GRTP1: variants seen among roughly 807,000 people sequenced by gnomAD.
GRTP1 encodes growth hormone-regulated TBC protein 1.
GRTP1 carries 56 observed loss-of-function variants against 38.1 expected under a neutral mutation model. The ratio of observed to expected loss-of-function variants is 1.47; its 90% CI spans 1.19 to 1.84. GRTP1 has a LOEUF of 1.84. Among genes scored for constraint, GRTP1 ranks in the 40% most tolerant of loss-of-function variants. The pLI is 0.00. For missense variants in GRTP1, 506 were observed against 453.9 expected (o/e 1.11, Z -1.04); for synonymous variants, 217 against 189.5 (o/e 1.14, Z -1.19).
intron 4 of GRTP1, among the ~76,000 whole-genome samples, chr13:113,345,992 GTGGA>G (rs1566428539): frequency 8.0e-5 from 12 of 150,090 alleles, no homozygotes; most frequent in South Asian, 2.2e-4. Flanking sequence ...GTGGCCGAGA[GTGGA>G]CCCGAGAGGA....
intron 4 of GRTP1, 33 bp from the exon 5 acceptor site, chr13:113,344,992 T>C (rs1426946267): frequency 1.9e-6 from 3 of 1,582,022 alleles, no homozygotes; most frequent in East Asian, 4.5e-5. Context: ...CAAATTCACA[T>C]TGAGTTTTAA....
intron 7 of GRTP1, chr13:113,324,828 A>G (rs1595467938): frequency 2.5e-6 from 3 of 1,187,814 alleles, no homozygotes; most frequent in Non-Finnish European, 3.1e-6. Flanking sequence ...CTTCCATTAG[A>G]CTTTTTTTTT....
chr13:113,331,974 A>G (rs1418211075), intron 5 of GRTP1, among the ~76,000 whole-genome samples: 1 of 151,276 alleles, frequency 6.6e-6, no homozygotes, highest in Non-Finnish European at 1.5e-5. Flanking sequence ...TACATTTAAA[A>G]AAAGGTATTT....
intron 4 of GRTP1, among the ~76,000 whole-genome samples, chr13:113,350,151 C>A (rs1463316132): frequency 6.6e-6 from 1 of 152,094 alleles, no homozygotes; most frequent in Non-Finnish European, 1.5e-5. Context: ...ACAGCACCAC[C>A]AGCGACAGGC....
intron 4 of GRTP1, among the ~76,000 whole-genome samples, chr13:113,345,578 C>T (rs1008698141): frequency 6.6e-6 from 1 of 152,234 alleles, no homozygotes; most frequent in African/African-American, 2.4e-5. Flanking sequence ...CTTTGTCACT[C>T]ATTTGTAATT....
intron 5 of GRTP1, among the ~76,000 whole-genome samples, chr13:113,338,566 T>G (rs529606052): frequency 2.0e-5 from 3 of 152,276 alleles, no homozygotes; most frequent in African/African-American, 7.2e-5. Context: ...TCAGCCTTGC[T>G]GGCGGACTGT....
intron 5 of GRTP1, among the ~76,000 whole-genome samples, chr13:113,335,778 C>CT: frequency 3.8e-4 from 1 of 2,656 alleles, no homozygotes; most frequent in East Asian, 0.033. Context: ...CTCCATGCTG[C>CT]TGAAATGACG....
chr13:113,333,565 C>T (rs891400219), intron 5 of GRTP1, among the ~76,000 whole-genome samples: 4 of 152,166 alleles, frequency 2.6e-5, no homozygotes, highest in East Asian at 1.9e-4. Context: ...AGAGCAGTGG[C>T]GTGATCTCGG....
chr13:113,335,190 A>T lies in GRTP1; in HGVS notation c.563-9099T>A, dbSNP rs149802954. Among the ~76,000 whole-genome samples, 10 of 152,228 alleles carry T rather than the reference A, an allele frequency of 6.6e-5. No homozygotes were observed. The East Asian group carries it at 1.9e-3, about 29-fold the overall frequency. On this transcript the variant is annotated intron_variant, in intron 5 of 7. Coordinates refer to ENST00000375431, the MANE Select transcript of GRTP1 (RefSeq NM_024719.4). ...AGGTTTATTTTTAATATTTATGGATACCTAATAGGTGTACATATTAATGGT... is the reference window on the plus strand; with the variant it reads ...AGGTTTATTTTTAATATTTATGGATTCCTAATAGGTGTACATATTAATGGT...
intron 5 of GRTP1, among the ~76,000 whole-genome samples, chr13:113,334,347 G>T (rs368656748): frequency 2.7e-5 from 2 of 74,162 alleles, no homozygotes; most frequent in Middle Eastern, 0.019. Flanking sequence ...GCACCTAGAA[G>T]CTGACTAGTT....
chr13:113,352,269 T>TATTTTTATA (rs1463257352), intron 3 of GRTP1, among the ~76,000 whole-genome samples: 7 of 110,354 alleles, frequency 6.3e-5, no homozygotes, highest in Admixed American at 2.5e-4. Context: ...TATTTTTATA[T>TATTTTTATA]TTTTATATAT....
At chr13:113,328,109 A>G (rs1265980188) in intron 5 of GRTP1, among the ~76,000 whole-genome samples, 1 of 152,162 alleles carries the variant, frequency 6.6e-6, no homozygotes, top group East Asian at 1.9e-4. Flanking sequence ...CCTCAGGCTG[A>G]GGCGCAGGCA....
chr13:113,346,221 GCTGAGA>G (rs2043123492), intron 4 of GRTP1, among the ~76,000 whole-genome samples: 2 of 124,302 alleles, frequency 1.6e-5, no homozygotes, highest in African/African-American at 6.3e-5. Context: ...GACCTCTGTG[GCTGAGA>G]ACAGACCCGG....
chr13:113,361,295 T>C (rs2043494822), intron 2 of GRTP1, among the ~76,000 whole-genome samples: 1 of 149,322 alleles, frequency 6.7e-6, no homozygotes, highest in Non-Finnish European at 1.5e-5. Context: ...AGAATAAAAA[T>C]CTGGAGGATT....
At chr13:113,325,547 C>T (rs372729343) in intron 7 of GRTP1, 114 bp downstream of exon 7, 1 of 1,574,168 alleles carries the variant, frequency 6.4e-7, no homozygotes. Context: ...ATCCTGTGCC[C>T]TATGCCCACT....
chr13:113,346,279 T>C lies in GRTP1; in HGVS notation c.466-1320A>G, dbSNP rs1258120059. On this transcript the variant is annotated intron_variant, in intron 4 of 7. Coordinates refer to ENST00000375431, the MANE Select transcript of GRTP1 (RefSeq NM_024719.4). ...GAGAGCAGATCCGGGAGGACCTCTGTGGCTGAGCGGATCTGGGAGGACCTC... is the reference window on the plus strand; with the variant it reads ...GAGAGCAGATCCGGGAGGACCTCTGCGGCTGAGCGGATCTGGGAGGACCTC... Among the ~76,000 whole-genome samples, 9 of 48,238 alleles carry C rather than the reference T, an allele frequency of 1.9e-4. 2 individuals carry two copies. Among genetic ancestry groups the C allele is most frequent in the African/African-American group, 7.3e-4 (7 of 9,632 alleles). 31.6% of individuals were successfully genotyped at this position (48,238 alleles called of 152,430 possible). A position where few individuals can be genotyped will look rare whatever the true frequency, so the allele number is the denominator to read the frequency against.
chr13:113,329,920 G>A (rs1444100528), intron 5 of GRTP1, among the ~76,000 whole-genome samples: 7 of 152,284 alleles, frequency 4.6e-5, no homozygotes, highest in African/African-American at 1.7e-4. Flanking sequence ...CAAGGAGGGA[G>A]CTGGGCGCCC....
In GRTP1 at chr13:113,340,653, G is replaced by A. The variant is rs532360865; in HGVS notation, c.562+4210C>T. Among the ~76,000 whole-genome samples, 26 of 151,864 alleles carry A rather than the reference G, an allele frequency of 1.7e-4. No homozygotes were observed. The East Asian group carries it at 4.3e-3, about 25-fold the overall frequency. On this transcript the variant is annotated intron_variant, in intron 5 of 7. Coordinates refer to ENST00000375431, the MANE Select transcript of GRTP1 (RefSeq NM_024719.4). ...AAATTAGCCGGGCGTGGTGGCGGGC[G>A]CCTGTAGTCCCAGCTACTCAGGAGG...
At chr13:113,340,192 A>T (rs1394711723) in intron 5 of GRTP1, among the ~76,000 whole-genome samples, 1 of 152,030 alleles carries the variant, frequency 6.6e-6, no homozygotes, top group Non-Finnish European at 1.5e-5. Flanking sequence ...GGTATGAGCC[A>T]CAGATTTATT....
Sources: allele counts gnomAD v4.1 joint callset (sites outside exome capture counted in the v4.1 genomes callset), GRCh38; gene constraint gnomAD v4.1.1; transcripts MANE v1.5; gene names NCBI Gene and HGNC (gene_info 2026-07-23, HGNC 2026-07-21).